Variants in CNTNAP2 observed in about 807,000 individuals in gnomAD.
The protein encoded by CNTNAP2 is contactin-associated protein-like 2.
Under a neutral mutation model 155.2 loss-of-function variants are expected in CNTNAP2, and 98 were observed. The observed-to-expected ratio is 0.63, with a 90% confidence interval of 0.54 to 0.75. The LOEUF (loss-of-function observed/expected upper bound fraction) is 0.75. Ranked by LOEUF, CNTNAP2 falls within the 30% of genes least tolerant of loss-of-function variation. The pLI is 0.00. For synonymous variants in CNTNAP2, 651 were observed against 631.2 expected (o/e 1.03, Z -0.47); for missense variants, 1,727 against 1,688.1 (o/e 1.02, Z -0.40).
chr7:148,324,271 A>C (rs2116542908), intron 21 of CNTNAP2, among the ~76,000 whole-genome samples: 1 of 152,300 alleles, frequency 6.6e-6, no homozygotes, highest in East Asian at 1.9e-4. Flanking sequence ...GCAGAGGAGC[A>C]GGAGCAAAGG....
intron 8 of CNTNAP2, among the ~76,000 whole-genome samples, chr7:147,256,775 C>T (rs866281008): frequency 1.3e-5 from 2 of 151,800 alleles, no homozygotes; most frequent in African/African-American, 2.4e-5. Flanking sequence ...AGTTAATGGA[C>T]GCATTGAACT....
At chr7:147,411,968 C>T (rs991092294) in intron 10 of CNTNAP2, among the ~76,000 whole-genome samples, 98 of 152,200 alleles carry the variant, frequency 6.4e-4, no homozygotes, top group African/African-American at 2.2e-3. Flanking sequence ...TTATTCAAAC[C>T]ATATATTTTA....
intron 3 of CNTNAP2, among the ~76,000 whole-genome samples, chr7:147,027,740 C>T (rs916815472): frequency 2.0e-5 from 3 of 152,052 alleles, no homozygotes; most frequent in Non-Finnish European, 4.4e-5. Context: ...ATACAGTGGC[C>T]AGACTCGTGA....
chr7:148,013,711 C>T (rs1187168594), intron 15 of CNTNAP2, among the ~76,000 whole-genome samples: 1 of 152,094 alleles, frequency 6.6e-6, no homozygotes, highest in African/African-American at 2.4e-5. Context: ...ACTTACACAC[C>T]CTGCAACAAA....
chr7:147,251,904 A>C (rs1000288360), intron 8 of CNTNAP2, among the ~76,000 whole-genome samples: 2 of 152,316 alleles, frequency 1.3e-5, no homozygotes, highest in Middle Eastern at 3.4e-3. Context: ...AAGTTGGACA[A>C]GTTTGTTCCT....
chr7:146,256,601 A>G (rs1475625307), intron 1 of CNTNAP2, among the ~76,000 whole-genome samples: 1 of 151,972 alleles, frequency 6.6e-6, no homozygotes, highest in Non-Finnish European at 1.5e-5. Flanking sequence ...AAAATCAATA[A>G]CTATATGTTA....
At chr7:147,634,893 C>T (rs1191318642) in intron 12 of CNTNAP2, among the ~76,000 whole-genome samples, 1 of 152,126 alleles carries the variant, frequency 6.6e-6, no homozygotes, top group African/African-American at 2.4e-5. Context: ...CCATTTCTAA[C>T]TCCCGCTTCT....
intron 21 of CNTNAP2, among the ~76,000 whole-genome samples, chr7:148,267,533 T>C (rs1796694050): frequency 6.6e-6 from 1 of 151,614 alleles, no homozygotes; most frequent in Non-Finnish European, 1.5e-5. Context: ...CAGGTGCCTG[T>C]AATCCCAGCT....
chr7:146,784,282 C>T (rs954225283), intron 2 of CNTNAP2, among the ~76,000 whole-genome samples: 9 of 152,066 alleles, frequency 5.9e-5, no homozygotes, highest in African/African-American at 1.4e-4. Context: ...TCCCTGCTGC[C>T]GCCTTTGAAA....
chr7:147,242,681 T>C (rs1285851752), intron 8 of CNTNAP2, among the ~76,000 whole-genome samples: 1 of 152,172 alleles, frequency 6.6e-6, no homozygotes, highest in Non-Finnish European at 1.5e-5. Flanking sequence ...CATTTATTAT[T>C]TCTTCTTTGA....
intron 1 of CNTNAP2, among the ~76,000 whole-genome samples, chr7:146,687,154 T>TC (rs1357195887): frequency 6.6e-6 from 1 of 152,174 alleles, no homozygotes; most frequent in East Asian, 1.9e-4. Context: ...ATTCAGTATG[T>TC]CTCATGCCTA....
intron 10 of CNTNAP2, among the ~76,000 whole-genome samples, chr7:147,425,672 A>G (rs531271463): frequency 6.9e-4 from 105 of 152,274 alleles, no homozygotes; most frequent in African/African-American, 2.4e-3. Context: ...ATCTGTTGAT[A>G]AAGAATGCTT....
intron 16 of CNTNAP2, among the ~76,000 whole-genome samples, chr7:148,120,981 G>T (rs1804583588): frequency 6.6e-6 from 1 of 152,122 alleles, no homozygotes; most frequent in Admixed American, 6.5e-5. Context: ...AGAAAAAAAT[G>T]GCCATGATGG....
intron 14 of CNTNAP2, among the ~76,000 whole-genome samples, chr7:147,936,668 A>C (rs145455036): frequency 6.8e-4 from 103 of 152,166 alleles, no homozygotes; most frequent in Admixed American, 5.4e-3. Context: ...CTTCAACTCT[A>C]TCTCCTTGAA....
At chr7:148,271,241 C>T (rs12539831) in intron 21 of CNTNAP2, among the ~76,000 whole-genome samples, 54,357 of 152,084 alleles carry the variant, frequency 0.36, 11,457 homozygotes, top group East Asian at 0.6. Flanking sequence ...AGGCTCAAAA[C>T]TATTAAGTTT....
At chr7:147,606,081 G>A (rs112902326) in intron 12 of CNTNAP2, among the ~76,000 whole-genome samples, 2,101 of 150,792 alleles carry the variant, frequency 0.014, 49 homozygotes, top group African/African-American at 0.047. Flanking sequence ...TAAGCTGTTC[G>A]TACAGTACAT....
At chr7:147,496,067 T>C (rs1798702457) in intron 11 of CNTNAP2, among the ~76,000 whole-genome samples, 1 of 152,178 alleles carries the variant, frequency 6.6e-6, no homozygotes, top group South Asian at 2.1e-4. Flanking sequence ...ATCACCCCCA[T>C]ATGGGACCAC....
chr7:147,794,269 G>C (rs7803378), intron 13 of CNTNAP2, among the ~76,000 whole-genome samples: 1 of 151,816 alleles, frequency 6.6e-6, no homozygotes, highest in Admixed American at 6.6e-5. Context: ...TCACCATTAA[G>C]TATGATATTA....
intron 19 of CNTNAP2, among the ~76,000 whole-genome samples, chr7:148,224,091 G>C (rs1795799262): frequency 6.6e-6 from 1 of 151,316 alleles, no homozygotes; most frequent in Admixed American, 6.6e-5. Flanking sequence ...AAAAAAAGCT[G>C]TGCTTTGCAC....
Sources: allele counts gnomAD v4.1 joint callset (sites outside exome capture counted in the v4.1 genomes callset), GRCh38; gene constraint gnomAD v4.1.1; transcripts MANE v1.5; gene names NCBI Gene and HGNC (gene_info 2026-07-23, HGNC 2026-07-21).